The following TMEM74 variants were observed in gnomAD, a reference collection of about 807,000 sequenced individuals.
TMEM74 encodes transmembrane protein 74.
TMEM74 carries 13 observed loss-of-function variants against 18.1 expected under a neutral mutation model. The observed-to-expected ratio is 0.72, with a 90% CI of 0.47 to 1.14. The LOEUF is 1.14. Ranked by LOEUF, TMEM74 falls within the 50% of genes most tolerant of loss-of-function variation. The probability of loss-of-function intolerance (pLI) is 0.00; values close to 1 mark genes in which losing one functional copy is unlikely to be tolerated. For missense variants in TMEM74, 372 were observed against 375.9 expected (o/e 0.99, Z 0.09); for synonymous variants, 159 against 146.6 (o/e 1.08, Z -0.61).
intron 1 of TMEM74, among the ~76,000 whole-genome samples, chr8:108,687,840 C>T (rs1004519475): frequency 1.2e-4 from 18 of 152,174 alleles, no homozygotes; most frequent in Middle Eastern, 3.4e-3. Context: ...AAGCTTTGCT[C>T]GCTCACCCAC....
At chr8:108,694,984 T>A (rs1813266199) in intron 1 of TMEM74, among the ~76,000 whole-genome samples, 1 of 152,148 alleles carries the variant, frequency 6.6e-6, no homozygotes, top group Non-Finnish European at 1.5e-5. Context: ...TGATGAGAGT[T>A]TTCTGCAGGA....
intron 1 of TMEM74, among the ~76,000 whole-genome samples, chr8:108,697,043 G>A (rs1813287608): frequency 6.6e-6 from 1 of 152,102 alleles, no homozygotes; most frequent in African/African-American, 2.4e-5. Context: ...TAAAGTTCTT[G>A]TTTTCCTTTT....
chr8:108,731,322 G>A (rs1563537448), intron 1 of TMEM74, among the ~76,000 whole-genome samples: 1 of 151,880 alleles, frequency 6.6e-6, no homozygotes, highest in South Asian at 2.1e-4. Flanking sequence ...CTGGGAAAAT[G>A]TACAATCTTA....
chr8:108,716,397 C>G (rs999878561), intron 1 of TMEM74, among the ~76,000 whole-genome samples: 1 of 151,826 alleles, frequency 6.6e-6, no homozygotes, highest in African/African-American at 2.4e-5. Context: ...AAAGAGGTAA[C>G]CTGTTTAGAA....
At chr8:108,726,619 T>G (rs953660615) in intron 1 of TMEM74, among the ~76,000 whole-genome samples, 12 of 152,164 alleles carry the variant, frequency 7.9e-5, no homozygotes, top group African/African-American at 2.9e-4. Context: ...TTAAAGCATC[T>G]GAGGGATTCA....
intron 1 of TMEM74, among the ~76,000 whole-genome samples, chr8:108,697,031 C>T (rs907176258): frequency 1.3e-5 from 2 of 152,002 alleles, no homozygotes; most frequent in Non-Finnish European, 2.9e-5. Context: ...TTCCACTGTC[C>T]CTAAAGTTCT....
rs1037412233 is a variant in TMEM74, at chr8:108,779,314, C to T, written c.*4867G>A. On this transcript the variant is annotated 3_prime_UTR_variant, in exon 2 of 2. Transcript: ENST00000297459. ...CAATACACAATATGTAATAATTAAT[C>T]TTTCTTTCTTATATGACATTTGTTT... is the stretch of plus-strand genomic sequence containing the variant. Among the ~76,000 whole-genome samples, 8 of 152,116 alleles carry T rather than the reference C, an allele frequency of 5.3e-5. No individual in the cohort carries two copies. In the East Asian group the frequency reaches 1.5e-3, roughly 29 times the overall value.
At chr8:108,632,288 TA>T (rs1178591803) in intron 2 of TMEM74, among the ~76,000 whole-genome samples, 3 of 151,990 alleles carry the variant, frequency 2.0e-5, no homozygotes, top group Non-Finnish European at 4.4e-5. Flanking sequence ...ATGCTATCTT[TA>T]AGAAAGAAGA....
At chr8:108,765,562 C>A (rs1396028014) in intron 1 of TMEM74, among the ~76,000 whole-genome samples, 1 of 151,834 alleles carries the variant, frequency 6.6e-6, no homozygotes, top group South Asian at 2.1e-4. Flanking sequence ...CACGTGGTAC[C>A]ACACCCGGCT....
intron 1 of TMEM74, among the ~76,000 whole-genome samples, chr8:108,787,238 A>C (rs1369275615): frequency 6.6e-6 from 1 of 152,148 alleles, no homozygotes; most frequent in Non-Finnish European, 1.5e-5. Flanking sequence ...GTGCGAGCAA[A>C]GCCGGGAGAG....
At chr8:108,695,648 T>C (rs1400325644) in intron 1 of TMEM74, among the ~76,000 whole-genome samples, 3 of 152,132 alleles carry the variant, frequency 2.0e-5, no homozygotes, top group Non-Finnish European at 4.4e-5. Flanking sequence ...CCATGCCCTA[T>C]CCACTGTAGC....
At chr8:108,613,149 A>G (rs1269244421) in intron 2 of TMEM74, among the ~76,000 whole-genome samples, 1 of 152,224 alleles carries the variant, frequency 6.6e-6, no homozygotes, top group East Asian at 1.9e-4. Context: ...TACACTACCA[A>G]GTTGCAGGCA....
At chr8:108,686,435 C>A (rs1313994779) in intron 1 of TMEM74, among the ~76,000 whole-genome samples, 1 of 152,064 alleles carries the variant, frequency 6.6e-6, no homozygotes, top group East Asian at 1.9e-4. Flanking sequence ...ATCTCCTGAC[C>A]TCGTGATCCA....
intron 1 of TMEM74, among the ~76,000 whole-genome samples, chr8:108,676,197 CAA>C (rs1813054637): frequency 6.6e-6 from 1 of 152,142 alleles, no homozygotes; most frequent in Non-Finnish European, 1.5e-5. Flanking sequence ...TGCAGGACCG[CAA>C]AATCCTTTGT....
chr8:108,678,945 C>T (rs1270095332), intron 1 of TMEM74, among the ~76,000 whole-genome samples: 3 of 142,450 alleles, frequency 2.1e-5, no homozygotes, highest in Non-Finnish European at 4.6e-5. Flanking sequence ...CCCCTTCCTG[C>T]GTCCATGTGT....
At chr8:108,717,711 G>A (rs1399145595) in intron 1 of TMEM74, among the ~76,000 whole-genome samples, 2 of 152,114 alleles carry the variant, frequency 1.3e-5, no homozygotes, top group Non-Finnish European at 2.9e-5. Context: ...TGGGGATTTG[G>A]AGGAAAAGGA....
chr8:108,623,026 G>A (rs1359869765), intron 2 of TMEM74, among the ~76,000 whole-genome samples: 1 of 152,000 alleles, frequency 6.6e-6, no homozygotes, highest in African/African-American at 2.4e-5. Context: ...AACTATGGTG[G>A]TGTGGTTTTA....
chr8:108,666,633 A>G (rs992599093), intron 1 of TMEM74, among the ~76,000 whole-genome samples: 1 of 152,138 alleles, frequency 6.6e-6, no homozygotes, highest in East Asian at 1.9e-4. Context: ...TCTACTCTTC[A>G]TCATCTTAGT....
chr8:108,751,657 A>C (rs1813905157), intron 1 of TMEM74, among the ~76,000 whole-genome samples: 1 of 152,132 alleles, frequency 6.6e-6, no homozygotes, highest in Non-Finnish European at 1.5e-5. Context: ...AAACGAGCTA[A>C]ATATAACAAG....
Sources: gnomAD v4.1 joint callset for allele counts (sites outside exome capture counted in the v4.1 genomes callset) on GRCh38, gnomAD v4.1.1 for gene constraint, MANE v1.5 for transcripts, NCBI Gene and HGNC (gene_info 2026-07-23, HGNC 2026-07-21) for gene names.